MAST1: variants seen among roughly 807,000 people sequenced by gnomAD.
MAST1 encodes microtubule-associated serine/threonine-protein kinase 1.
In MAST1, 40 loss-of-function variants were observed where a neutral mutation model predicts 124.6. That is an observed-to-expected ratio of 0.32 (90% confidence interval 0.25 to 0.42). MAST1 has a LOEUF of 0.42. MAST1 is among the 10% of genes least tolerant of loss of function. The pLI, the probability that MAST1 is intolerant of heterozygous loss-of-function variation, is 1.00. For synonymous variants in MAST1, 938 were observed against 939.4 expected (o/e 1.00, Z 0.03); for missense variants, 1,558 against 2,181.9 (o/e 0.71, Z 5.70).
At chr19:12,851,464 G>C (rs1387571712) in intron 7 of MAST1, among the ~76,000 whole-genome samples, 1 of 131,406 alleles carries the variant, frequency 7.6e-6, no homozygotes, top group East Asian at 3.1e-4. Flanking sequence ...TCTCGCTATG[G>C]TTTTGTTGTT....
intron 12 of MAST1, among the ~76,000 whole-genome samples, chr19:12,862,722 CA>C (rs1042374340): frequency 6.7e-6 from 1 of 149,364 alleles, no homozygotes; most frequent in Non-Finnish European, 1.5e-5. Flanking sequence ...GGCTAGAGTG[CA>C]ATGACGTGAT....
chr19:12,861,385 A>G (rs920930017), intron 12 of MAST1, among the ~76,000 whole-genome samples: 1 of 152,142 alleles, frequency 6.6e-6, no homozygotes, highest in Non-Finnish European at 1.5e-5. Context: ...TAGTGAGGAC[A>G]TGAGGTCCAT....
At chr19:12,859,683 A>T (rs1447749891) in intron 12 of MAST1, among the ~76,000 whole-genome samples, 7 of 151,886 alleles carry the variant, frequency 4.6e-5, no homozygotes, top group Non-Finnish European at 8.8e-5. Flanking sequence ...AATCCCAGCT[A>T]CTCACGTGGC....
In MAST1 at chr19:12,843,739, G is replaced by A. The variant is rs1969858889; in HGVS notation, c.327+132G>A. ...TTTAGGGCCAGGCTCAGTGACTCAA[G>A]CCTGTAATCCCAGTACTTTGGGAGG... On this transcript the variant is annotated intron_variant, in intron 4 of 25. Transcript: ENST00000251472. This position sits in a 1 kb window ranked among gnomAD's most constrained non-coding sequence, Gnocchi z 4.9. 1.4e-6 allele frequency: 1 copy of A among 722,266 alleles called. No homozygotes were observed. Among genetic ancestry groups the A allele is most frequent in the East Asian group, 2.8e-5 (1 of 35,260 alleles). The allele number at this position is 722,266 out of a possible 1,614,324, so 44.7% of individuals were successfully genotyped here.
rs1227709644 is a variant in MAST1, at chr19:12,859,048, T to C, written c.1366+309T>C. 4.1e-5 allele frequency: 18 copies of C among 439,686 alleles called. 1 individual carries two copies. The East Asian group carries it at 6.1e-4, about 15-fold the overall frequency. 27.2% of individuals were successfully genotyped at this position (439,686 alleles called of 1,614,324 possible). Reference sequence around the variant, plus strand: ...TTTTCCATCCATACATCCATGAACCTGTTTTTATTTATTTATTTATTTATT... The same window carrying C: ...TTTTCCATCCATACATCCATGAACCCGTTTTTATTTATTTATTTATTTATT... On this transcript the variant is annotated intron_variant, in intron 12 of 25. Transcript: ENST00000251472.
chr19:12,861,953 G>A (rs1029359812), intron 12 of MAST1, among the ~76,000 whole-genome samples: 3 of 148,408 alleles, frequency 2.0e-5, no homozygotes, highest in Non-Finnish European at 3.0e-5. Flanking sequence ...TGTCTGCCTC[G>A]GCCTCCCAAA....
intron 24 of MAST1, among the ~76,000 whole-genome samples, chr19:12,872,938 G>A (rs1411694887): frequency 6.6e-6 from 1 of 152,028 alleles, no homozygotes; most frequent in African/African-American, 2.4e-5. Context: ...TTGTTTGGAT[G>A]AGTGTTTGTA....
At chr19:12,839,138 G>A (rs1969796433) in intron 1 of MAST1, among the ~76,000 whole-genome samples, 1 of 123,536 alleles carries the variant, frequency 8.1e-6, no homozygotes, top group Non-Finnish European at 1.6e-5. Flanking sequence ...AAAAAGGGGG[G>A]GTTTATCATA....
chr19:12,867,887 A>G lies in MAST1; in HGVS notation c.2476A>G (p.Ser826Gly). The G allele has an allele frequency of 6.2e-7, 1 of 1,604,688 alleles. No individual in the cohort carries two copies. ...EARLRRPPRP[S>G]SDPAGSLDAR... ...CCGGCTGCGCAGGCCTCCCCGGCCC[A>G]GCTCCGACCCCGCGGGATCCCTGGA... is the stretch of plus-strand genomic sequence containing the variant. The change falls in exon 20 of 26, where the codon AGC becomes GGC. Residue 826 changes from serine to glycine, a missense_variant. By Grantham distance (56) the Ser-to-Gly change is moderately conservative (BLOSUM62 0). Around this residue, in one of 10 missense-constraint regions of MAST1, gnomAD observed 287 missense variants for 308.0 expected, o/e 0.93. Transcript: ENST00000251472.
Position 12,843,671 on chromosome 19 carries a change from G to C in MAST1, c.327+64G>C. 6.9e-7 allele frequency: 1 copy of C among 1,449,966 alleles called. No individual in the cohort carries two copies. Among genetic ancestry groups the C allele is most frequent in the South Asian group, 1.2e-5 (1 of 85,002 alleles). 89.8% of individuals were successfully genotyped at this position (1,449,966 alleles called of 1,614,324 possible). A position where few individuals can be genotyped will look rare whatever the true frequency, so the allele number is the denominator to read the frequency against. On this transcript the variant is annotated intron_variant, in intron 4 of 25. Coordinates refer to ENST00000251472, the MANE Select transcript of MAST1 (RefSeq NM_014975.3). The surrounding 1 kb of genome is among the most constrained non-coding windows in gnomAD (Gnocchi z 4.9). The stretch of plus-strand genomic sequence containing the variant: ...GAATTCAGGGGCCCTCCAGCCTGAA[G>C]ACCCACACCCAGGCCAGCAGTCCAG...
At chr19:12,871,992 G>A (rs1970241799) in intron 24 of MAST1, among the ~76,000 whole-genome samples, 1 of 151,850 alleles carries the variant, frequency 6.6e-6, no homozygotes, top group African/African-American at 2.4e-5. Flanking sequence ...AAATTTCTAG[G>A]ATCAGAGAAA....
Position 12,841,091 on chromosome 19 carries a change from C to CTGG in MAST1, c.248+25_248+26insTGG. ...GGTGAGTCCCTCCCCTCCAGGGCCC[C>CTGG]AGAACCCTGGGCAGACCCTCCCCAA... On this transcript the variant is annotated intron_variant, in intron 3 of 25. Coordinates refer to ENST00000251472, the MANE Select transcript of MAST1 (RefSeq NM_014975.3). The surrounding 1 kb of genome is among the most constrained non-coding windows in gnomAD (Gnocchi z 4.3). The CTGG allele has an allele frequency of 8.1e-7, 1 of 1,230,482 alleles. No individual in the cohort carries two copies. The highest frequency in any genetic ancestry group is 1.2e-6 in the Non-Finnish European group (1 of 831,484). 76.2% of individuals were successfully genotyped at this position (1,230,482 alleles called of 1,614,324 possible).
In MAST1 at chr19:12,843,525, C is replaced by G. The variant is rs529492662; in HGVS notation, c.249-4C>G. ...GGCCTCTGAGCACCTTGGCTGGGTT[C>G]CAGGGCGGACGGACGCCGGTGGTCT... On this transcript the variant is annotated splice_region_variant and splice_polypyrimidine_tract_variant and intron_variant, in intron 3 of 25. Transcript: ENST00000251472. This position sits in a 1 kb window ranked among gnomAD's most constrained non-coding sequence, Gnocchi z 4.9. 9 of 1,613,006 alleles carry G rather than the reference C, an allele frequency of 5.6e-6. No homozygotes were observed. In the African/African-American group the frequency reaches 1.1e-4, roughly 19 times the overall value.
rs1322985656 is a variant in MAST1, at chr19:12,866,773, T to C, written c.2139+11T>C. On this transcript the variant is annotated intron_variant, in intron 18 of 25. Transcript: ENST00000251472. The surrounding 1 kb of genome is among the most constrained non-coding windows in gnomAD (Gnocchi z 5.2). ...CCGCGCTTCAGCAAGGTGGGCCAAG[T>C]CTGGGTGTGGGACAGGGCGAGACCC... 1 of 1,608,980 alleles carries C rather than the reference T, an allele frequency of 6.2e-7. No homozygotes were observed. The highest frequency in any genetic ancestry group is 1.1e-5 in the South Asian group (1 of 90,498).
intron 2 of MAST1, among the ~76,000 whole-genome samples, 154 bp from the exon 3 acceptor site, chr19:12,840,837 C>T (rs1185216463): frequency 6.7e-6 from 1 of 148,692 alleles, no homozygotes; most frequent in Admixed American, 6.7e-5. Context: ...GCTGACTCGG[C>T]AACGAAAAAA....
Position 12,867,515 on chromosome 19 carries a change from G to T in MAST1, c.2181G>T (p.Lys727Asn). ...AGCAGCTGTCGCAGCACGAGCCCAA[G>T]ACCCCAGTAGCAGCTGCAGGGAGCA... ...SMEQLSQHEP[K>N]TPVAAAGSSK... is the part of the protein sequence containing the mutation. The change falls in exon 19 of 26, where the codon AAG becomes AAT. Residue 727 changes from lysine (K) to asparagine (N), a missense_variant. Around this residue, in one of 10 missense-constraint regions of MAST1, gnomAD observed 287 missense variants for 308.0 expected, o/e 0.93. Transcript: ENST00000251472. 1 of 1,613,792 alleles carries T rather than the reference G, an allele frequency of 6.2e-7. No homozygotes were observed.
chr19:12,846,357 C>A lies in MAST1; in HGVS notation c.328-933C>A, dbSNP rs143725220. The stretch of plus-strand genomic sequence containing the variant: ...TGTGAGTCACCATATTCAGTGGAGA[C>A]CCTTCTCTAAAATAATAATGATAAT... On this transcript the variant is annotated intron_variant, in intron 4 of 25. Coordinates refer to ENST00000251472, the MANE Select transcript of MAST1 (RefSeq NM_014975.3). Among the ~76,000 whole-genome samples the A allele has an allele frequency of 6.2e-3, 947 of 151,930 alleles. 7 individuals carry two copies. Among genetic ancestry groups the A allele is most frequent in the Non-Finnish European group, 9.7e-3 (661 of 67,970 alleles).
chr19:12,858,739 G>A lies in MAST1; in HGVS notation c.1366G>A (p.Gly456Ser). 1 of 1,614,198 alleles carries A rather than the reference G, an allele frequency of 6.2e-7. No homozygotes were observed. Among genetic ancestry groups the A allele is most frequent in the Non-Finnish European group, 8.5e-7 (1 of 1,180,038 alleles). ...HLCMVMEYVE[G>S]GDCATLLKNI... is the part of the protein sequence containing the mutation. The stretch of plus-strand genomic sequence containing the variant: ...CTGCATGGTCATGGAATATGTGGAA[G>A]GTGTGGCTGCCTGCGGGGCTGCAGG... The change falls in exon 12 of 26, where the codon GGC becomes AGC. Residue 456 changes from glycine (G) to serine (S), a missense_variant and splice_region_variant. Gly to Ser is a moderately conservative substitution (Grantham distance 56, BLOSUM62 0). Around this residue, in one of 10 missense-constraint regions of MAST1, gnomAD observed 145 missense variants for 350.0 expected, o/e 0.41. Transcript: ENST00000251472.
At position 12,840,514 on chromosome 19, in the gene MAST1, C is replaced by T; in HGVS notation, c.152C>T (p.Ser51Phe). Residue 51 changes from serine to phenylalanine, a missense_variant, in exon 2 of 26, where the codon TCC (serine) becomes TTC (phenylalanine). Coordinates refer to ENST00000251472, the MANE Select transcript of MAST1 (RefSeq NM_014975.3). ...STSPTLPRPH[S>F]PLPGHLGSSP... is the part of the protein sequence containing the mutation. ...TCACCCACGCTACCGAGACCCCACT[C>T]CCCGCTGCCAGGTCACCTAGGTGAG... 1 of 1,613,864 alleles carries T rather than the reference C, an allele frequency of 6.2e-7. No homozygotes were observed.
Sources: allele counts gnomAD v4.1 joint callset (sites outside exome capture counted in the v4.1 genomes callset), GRCh38; gene constraint gnomAD v4.1.1; regional missense constraint gnomAD v4.1.1; non-coding constraint Gnocchi (gnomAD v3.1); transcripts MANE v1.5; gene names NCBI Gene and HGNC (gene_info 2026-07-23, HGNC 2026-07-21).